The following PCDH9 variants were observed in gnomAD, a reference collection of about 807,000 sequenced individuals.
The protein encoded by PCDH9 is protocadherin 9, also known as protocadherin-9.
Under a neutral mutation model 70.6 loss-of-function variants are expected in PCDH9, and 24 were observed. The observed-to-expected ratio is 0.34, with a 90% CI of 0.25 to 0.48. The LOEUF is 0.48. Among genes scored for constraint, PCDH9 ranks in the 20% least tolerant of loss-of-function variants. The pLI is 0.99. For missense variants in PCDH9, 1,281 were observed against 1,503.6 expected, an observed-to-expected ratio of 0.85 and a Z score of 2.45; for synonymous variants, 562 against 558.5, an observed-to-expected ratio of 1.01 and a Z score of -0.09.
intron 3 of PCDH9, among the ~76,000 whole-genome samples, chr13:66,813,456 T>A (rs1594094139): frequency 1.6e-5 from 2 of 124,238 alleles, no homozygotes; most frequent in South Asian, 2.5e-4. Flanking sequence ...AGAGAAAGGG[T>A]GGGAGGGAGG....
At chr13:66,971,130 A>C (rs1253022671) in intron 2 of PCDH9, among the ~76,000 whole-genome samples, 1 of 152,050 alleles carries the variant, frequency 6.6e-6, no homozygotes, top group African/African-American at 2.4e-5. Flanking sequence ...TTTAAATGGC[A>C]GTATAATACT....
chr13:66,611,878 G>T (rs753372670), intron 4 of PCDH9, among the ~76,000 whole-genome samples: 5 of 152,158 alleles, frequency 3.3e-5, no homozygotes, highest in Non-Finnish European at 7.4e-5. Flanking sequence ...ATTGCAATCT[G>T]TATGACAAGT....
chr13:66,532,715 G>A (rs937326378), intron 4 of PCDH9, among the ~76,000 whole-genome samples: 1 of 152,054 alleles, frequency 6.6e-6, no homozygotes, highest in Non-Finnish European at 1.5e-5. Flanking sequence ...ATTTTCGGTA[G>A]AGACGGGGTT....
At chr13:66,683,375 C>T (rs2078355264) in intron 3 of PCDH9, among the ~76,000 whole-genome samples, 1 of 152,180 alleles carries the variant, frequency 6.6e-6, no homozygotes, top group African/African-American at 2.4e-5. Flanking sequence ...AGCAAACAGG[C>T]ATTAGTTACA....
At chr13:67,038,972 C>T (rs2085060391) in intron 2 of PCDH9, among the ~76,000 whole-genome samples, 1 of 152,112 alleles carries the variant, frequency 6.6e-6, no homozygotes, top group Non-Finnish European at 1.5e-5. Context: ...ACTTTTGACC[C>T]CACCTCAAAA....
At chr13:66,874,957 G>GAC (rs2081774814) in intron 3 of PCDH9, among the ~76,000 whole-genome samples, 1 of 151,366 alleles carries the variant, frequency 6.6e-6, no homozygotes, top group African/African-American at 2.4e-5. Context: ...GAGAGAGAGA[G>GAC]AGAGAGACAG....
chr13:66,535,273 T>G (rs1198397331), intron 4 of PCDH9, among the ~76,000 whole-genome samples: 3 of 152,126 alleles, frequency 2.0e-5, no homozygotes, highest in Non-Finnish European at 2.9e-5. Context: ...CCATTTCTTT[T>G]GCAGCTATTT....
Position 67,164,599 on chromosome 13 carries a change from A to G in PCDH9, c.3036+60806T>C, listed in dbSNP as rs551573811. On this transcript the variant is annotated intron_variant, in intron 2 of 4. Transcript: ENST00000377865. ...CAAAAAAAAAAAAAAAAGAAAAAAA[A>G]GAAAAAGACTATAACATTTGACTCC... Among the ~76,000 whole-genome samples the G allele has an allele frequency of 9.2e-5, 14 of 151,980 alleles. No individual in the cohort carries two copies. The South Asian group carries it at 2.7e-3, about 29-fold the overall frequency.
intron 4 of PCDH9, among the ~76,000 whole-genome samples, chr13:66,351,827 TTTTTC>T (rs954079410): frequency 2.1e-5 from 3 of 143,916 alleles, no homozygotes; most frequent in Non-Finnish European, 4.5e-5. Context: ...ATTCCTTTTT[TTTTTC>T]TTTTCTTTTC....
At chr13:67,135,254 A>AT (rs2087206941) in intron 2 of PCDH9, among the ~76,000 whole-genome samples, 1 of 152,056 alleles carries the variant, frequency 6.6e-6, no homozygotes, top group Non-Finnish European at 1.5e-5. Flanking sequence ...TCTAGTTTTA[A>AT]TTTTTTTACT....
At chr13:67,060,778 T>C (rs900318195) in intron 2 of PCDH9, among the ~76,000 whole-genome samples, 1 of 152,088 alleles carries the variant, frequency 6.6e-6, no homozygotes, top group Non-Finnish European at 1.5e-5. Context: ...ATCTACTCCA[T>C]CCTTTCCTAG....
rs1011723156 is a variant in PCDH9, at chr13:66,932,470, A to G, written c.3037-28865T>C. Among the ~76,000 whole-genome samples, 7 of 152,064 alleles carry G rather than the reference A, an allele frequency of 4.6e-5. No individual in the cohort carries two copies. The East Asian group carries it at 1.4e-3, about 29-fold the overall frequency. Reference sequence around the variant, plus strand: ...ATTTATATCAGCAAAATCAAATAAAACCAAATAGAAGAAATAAATTCTGAA... The same window carrying G: ...ATTTATATCAGCAAAATCAAATAAAGCCAAATAGAAGAAATAAATTCTGAA... On this transcript the variant is annotated intron_variant, in intron 2 of 4. Transcript: ENST00000377865.
chr13:66,565,222 A>C (rs2076636131), intron 4 of PCDH9, among the ~76,000 whole-genome samples: 1 of 152,210 alleles, frequency 6.6e-6, no homozygotes, highest in South Asian at 2.1e-4. Flanking sequence ...ACTTTGTATC[A>C]GTAGACTTTG....
rs572874895 is a variant in PCDH9 at position 66,808,152 on chromosome 13, G to T, written c.3138+95352C>A. Among the ~76,000 whole-genome samples the T allele has an allele frequency of 3.3e-4, 50 of 152,240 alleles. 1 individual carries two copies. In the South Asian group the frequency reaches 9.7e-3, roughly 30 times the overall value. On this transcript the variant is annotated intron_variant, in intron 3 of 4. Coordinates refer to ENST00000377865, the MANE Select transcript of PCDH9 (RefSeq NM_203487.3). ...TATCTAATAACAAAAAATATGTAGA[G>T]CAATCATAGTCCATAAGTCCATTTT...
At chr13:67,029,602 C>T (rs1335386164) in intron 2 of PCDH9, among the ~76,000 whole-genome samples, 1 of 152,128 alleles carries the variant, frequency 6.6e-6, no homozygotes, top group Non-Finnish European at 1.5e-5. Flanking sequence ...TTTTAAGAGC[C>T]TTGACTAAGA....
At chr13:66,555,598 A>G (rs1961697779) in intron 4 of PCDH9, among the ~76,000 whole-genome samples, 1 of 149,090 alleles carries the variant, frequency 6.7e-6, no homozygotes, top group Admixed American at 6.7e-5. Context: ...TCATTTACAC[A>G]TCAACGGTCT....
intron 2 of PCDH9, among the ~76,000 whole-genome samples, chr13:67,059,684 T>C (rs2085498491): frequency 6.6e-6 from 1 of 151,624 alleles, no homozygotes; most frequent in South Asian, 2.1e-4. Flanking sequence ...CACAGGAAGC[T>C]TAACAGAGTA....
chr13:66,746,076 T>TA (rs2079357978), intron 3 of PCDH9, among the ~76,000 whole-genome samples: 1 of 152,200 alleles, frequency 6.6e-6, no homozygotes, highest in African/African-American at 2.4e-5. Flanking sequence ...AGTCATTTTT[T>TA]AATTTCACTC....
At position 66,945,377 on chromosome 13, in the gene PCDH9, A is replaced by G. The variant is rs904000881; in HGVS notation, c.3037-41772T>C. On this transcript the variant is annotated intron_variant, in intron 2 of 4. Transcript: ENST00000377865. The stretch of plus-strand genomic sequence containing the variant: ...CCATATTCTTATGGTACTCCTGTGC[A>G]TACGTACATAGTGAAAATTGTTTTC... Among the ~76,000 whole-genome samples, 17 of 152,204 alleles carry G rather than the reference A, an allele frequency of 1.1e-4. No individual in the cohort carries two copies. The South Asian group carries it at 2.7e-3, about 24-fold the overall frequency.
Sources: gnomAD v4.1 joint callset for allele counts (sites outside exome capture counted in the v4.1 genomes callset) on GRCh38, gnomAD v4.1.1 for gene constraint, MANE v1.5 for transcripts, NCBI Gene and HGNC (gene_info 2026-07-23, HGNC 2026-07-21) for gene names.